The following SPATA16 variants were observed in gnomAD, a reference collection of about 807,000 sequenced individuals.
SPATA16 encodes the protein spermatogenesis-associated protein 16.
A neutral mutation model predicts 63.3 loss-of-function variants in SPATA16; 36 were observed. That is an observed-to-expected ratio of 0.57 (90% CI 0.44 to 0.75). SPATA16 has a LOEUF of 0.75. SPATA16 is among the 30% of genes least tolerant of loss of function. The pLI, the probability that SPATA16 is intolerant of heterozygous loss-of-function variation, is 0.00. For synonymous variants in SPATA16, 203 were observed against 216.7 expected, an observed-to-expected ratio of 0.94 and a Z score of 0.56; for missense variants, 646 against 679.3, an observed-to-expected ratio of 0.95 and a Z score of 0.54.
At chr3:172,951,756 A>G (rs1157309134) in intron 6 of SPATA16, among the ~76,000 whole-genome samples, 4 of 152,162 alleles carry the variant, frequency 2.6e-5, no homozygotes, top group African/African-American at 9.7e-5. Flanking sequence ...TCTATGCTTG[A>G]TGAAGGTGAC....
At chr3:172,936,566 C>T (rs559883781) in intron 6 of SPATA16, among the ~76,000 whole-genome samples, 57 of 152,096 alleles carry the variant, frequency 3.7e-4, no homozygotes, top group Non-Finnish European at 5.7e-4. Flanking sequence ...TATTATGTTG[C>T]TAAATGGTAA....
rs143314523 is a variant in SPATA16, at chr3:172,917,635, T to A, written c.1339-1154A>T. Among the ~76,000 whole-genome samples the A allele has an allele frequency of 1.9e-3, 285 of 152,300 alleles. 5 individuals are homozygous for A. Among genetic ancestry groups the A allele is most frequent in the African/African-American group, 6.5e-3 (271 of 41,562 alleles). ...AGGTGCCTCCCCAAATATTCAAATA[T>A]CTCAAACAGAAGTTTGAGACAAACC... On this transcript the variant is annotated intron_variant, in intron 8 of 10. Transcript: ENST00000351008.
intron 2 of SPATA16, among the ~76,000 whole-genome samples, chr3:173,088,078 CTGTCTTTTCT>C (rs1737124940): frequency 2.7e-5 from 2 of 73,918 alleles, no homozygotes; most frequent in Admixed American, 1.5e-4. Context: ...TTCTTTCTTT[CTGTCTTTTCT>C]TTTTTTTTTT....
At chr3:173,055,472 G>A (rs1736199675) in intron 2 of SPATA16, among the ~76,000 whole-genome samples, 1 of 152,166 alleles carries the variant, frequency 6.6e-6, no homozygotes, top group Admixed American at 6.5e-5. Flanking sequence ...GATCCATGCA[G>A]TGACTTGAAT....
intron 6 of SPATA16, among the ~76,000 whole-genome samples, chr3:172,925,991 G>A (rs57609176): frequency 0.17 from 26,134 of 151,788 alleles, 3,181 homozygotes; most frequent in African/African-American, 0.35. Flanking sequence ...GCGCCCAGCT[G>A]ATTTTTGTAT....
intron 2 of SPATA16, among the ~76,000 whole-genome samples, chr3:173,104,024 A>G (rs1452612052): frequency 6.6e-6 from 1 of 152,192 alleles, no homozygotes; most frequent in Non-Finnish European, 1.5e-5. Flanking sequence ...TAGATAGTCT[A>G]GGTCATCACT....
intron 2 of SPATA16, among the ~76,000 whole-genome samples, chr3:173,095,962 T>C (rs1176909338): frequency 6.6e-6 from 1 of 152,148 alleles, no homozygotes; most frequent in Non-Finnish European, 1.5e-5. Context: ...TCTAAAAGTT[T>C]ATAAGCTCTA....
chr3:172,980,526 C>G (rs1734276940), intron 4 of SPATA16, among the ~76,000 whole-genome samples: 1 of 152,132 alleles, frequency 6.6e-6, no homozygotes, highest in Admixed American at 6.6e-5. Flanking sequence ...TGACGATCGG[C>G]GGCTTAACAT....
intron 6 of SPATA16, among the ~76,000 whole-genome samples, chr3:172,941,151 A>G (rs1733140237): frequency 6.6e-6 from 1 of 152,202 alleles, no homozygotes; most frequent in Admixed American, 6.5e-5. Context: ...AAATTTCAAA[A>G]TGAAGCAGAC....
At chr3:173,091,748 A>C (rs1737227908) in intron 2 of SPATA16, among the ~76,000 whole-genome samples, 1 of 152,200 alleles carries the variant, frequency 6.6e-6, no homozygotes, top group Non-Finnish European at 1.5e-5. Flanking sequence ...CTTTTCATAT[A>C]AAACCAATTG....
At chr3:172,998,839 G>A (rs944224508) in intron 4 of SPATA16, among the ~76,000 whole-genome samples, 4 of 152,010 alleles carry the variant, frequency 2.6e-5, no homozygotes, top group Non-Finnish European at 5.9e-5. Context: ...TGATATGATG[G>A]ATTACTTCAA....
chr3:173,091,316 A>G (rs1023455412), intron 2 of SPATA16, among the ~76,000 whole-genome samples: 2 of 149,048 alleles, frequency 1.3e-5, no homozygotes, highest in Non-Finnish European at 3.0e-5. Flanking sequence ...AATGTCAAAT[A>G]TAATCATTAA....
intron 2 of SPATA16, among the ~76,000 whole-genome samples, chr3:173,094,677 G>GTTTTTTTTTTTTTTTTTTTT (rs57224552): frequency 8.6e-6 from 1 of 115,736 alleles, no homozygotes; most frequent in African/African-American, 3.2e-5. Flanking sequence ...TATGGGAGTT[G>GTTTTTTTTTTTTTTTTTTTT]TTTTTTTTTT....
intron 6 of SPATA16, among the ~76,000 whole-genome samples, chr3:172,927,385 A>G (rs1732763482): frequency 6.6e-6 from 1 of 152,256 alleles, no homozygotes; most frequent in Non-Finnish European, 1.5e-5. Flanking sequence ...TATTGAAATA[A>G]TTAAAATATC....
chr3:172,978,897 A>G (rs754373581), intron 4 of SPATA16, among the ~76,000 whole-genome samples: 89 of 152,208 alleles, frequency 5.8e-4, no homozygotes, highest in Non-Finnish European at 9.7e-4. Flanking sequence ...TAAGAAAATT[A>G]GTAGGTTGAT....
At chr3:172,998,726 C>T (rs1343715427) in intron 4 of SPATA16, among the ~76,000 whole-genome samples, 2 of 151,938 alleles carry the variant, frequency 1.3e-5, no homozygotes, top group African/African-American at 2.4e-5. Flanking sequence ...CCTTCTTATT[C>T]CTAGTTTGCT....
intron 1 of SPATA16, among the ~76,000 whole-genome samples, chr3:173,137,822 A>AACACACACACACACACAC (rs1185263699): frequency 3.3e-4 from 40 of 122,288 alleles, no homozygotes; most frequent in East Asian, 1.5e-3. Context: ...ATGGACTCTC[A>AACACACACACACACACAC]ACACACACAC....
intron 6 of SPATA16, among the ~76,000 whole-genome samples, chr3:172,940,875 C>T (rs1051775879): frequency 2.6e-5 from 4 of 151,812 alleles, no homozygotes; most frequent in Non-Finnish European, 1.5e-5. Context: ...CACAGCTACT[C>T]GGGAGGCTGA....
intron 4 of SPATA16, among the ~76,000 whole-genome samples, chr3:173,016,122 A>G (rs1374304580): frequency 6.6e-6 from 1 of 152,228 alleles, no homozygotes; most frequent in African/African-American, 2.4e-5. Context: ...AGTGCCAGCC[A>G]TCTCCGCAAT....
Sources: allele counts gnomAD v4.1 joint callset (sites outside exome capture counted in the v4.1 genomes callset), GRCh38; gene constraint gnomAD v4.1.1; transcripts MANE v1.5; gene names NCBI Gene and HGNC (gene_info 2026-07-23, HGNC 2026-07-21).